Variants in MRPS28 observed in about 807,000 individuals in gnomAD.
The protein encoded by MRPS28 is mitochondrial ribosomal protein S28.
Under a neutral mutation model 10.8 loss-of-function variants are expected in MRPS28, and 7 were observed. The observed-to-expected ratio is 0.65, with a 90% CI of 0.37 to 1.22. The LOEUF (loss-of-function observed/expected upper bound fraction) is 1.22, where lower values mean the gene tolerates loss of function less well. Among genes scored for constraint, MRPS28 ranks in the 50% most tolerant of loss-of-function variants. MRPS28 has a pLI of 0.02. For synonymous variants in MRPS28, 121 were observed against 93.3 expected, an observed-to-expected ratio of 1.30 and a Z score of -1.71; for missense variants, 265 against 232.9, an observed-to-expected ratio of 1.14 and a Z score of -0.90.
At chr8:80,021,983 A>G (rs1586102890) in intron 1 of MRPS28, among the ~76,000 whole-genome samples, 1 of 152,186 alleles carries the variant, frequency 6.6e-6, no homozygotes. Context: ...CATCAATGCA[A>G]TTTTATTACA....
At position 79,920,927 on chromosome 8, in the gene MRPS28, A is replaced by C. The variant is rs1173867263; in HGVS notation, c.396-1779T>G. Among the ~76,000 whole-genome samples, 4 of 152,206 alleles carry C rather than the reference A, an allele frequency of 2.6e-5. No individual in the cohort carries two copies. In the East Asian group the frequency reaches 7.7e-4, roughly 29 times the overall value. On this transcript the variant is annotated intron_variant, in intron 2 of 2. Coordinates refer to ENST00000276585, the MANE Select transcript of MRPS28 (RefSeq NM_014018.3). ...TAGGGTTTTTATGGTTTTAGGTCTAACATTTAAGTCTTTAATCCATCTTGA... is the reference window on the plus strand; with the variant it reads ...TAGGGTTTTTATGGTTTTAGGTCTACCATTTAAGTCTTTAATCCATCTTGA...
At chr8:79,928,289 C>A (rs1282472567) in intron 2 of MRPS28, among the ~76,000 whole-genome samples, 1 of 152,046 alleles carries the variant, frequency 6.6e-6, no homozygotes, top group Non-Finnish European at 1.5e-5. Context: ...CATGATCACG[C>A]CACTGCTCTC....
chr8:79,954,723 T>C (rs1807161210), intron 2 of MRPS28, among the ~76,000 whole-genome samples: 1 of 152,232 alleles, frequency 6.6e-6, no homozygotes, highest in African/African-American at 2.4e-5. Flanking sequence ...GTGGGCTTTT[T>C]GTAAATCACA....
Position 79,919,074 on chromosome 8 carries a change from G to T in MRPS28, c.470C>A (p.Thr157Lys). 1 of 1,610,902 alleles carries T rather than the reference G, an allele frequency of 6.2e-7. No individual in the cohort carries two copies. The highest frequency in any genetic ancestry group is 8.5e-7 in the Non-Finnish European group (1 of 1,178,660). Residue 157 changes from threonine (T) to lysine (K), a missense_variant, in exon 3 of 3, where the codon ACA becomes AAA. Physicochemically the swap from Thr to Lys is moderately conservative, Grantham distance 78. Coordinates refer to ENST00000276585, the MANE Select transcript of MRPS28 (RefSeq NM_014018.3). ...LELTSRFLGATTDTTVLEANA... is the reference protein window; with the variant it reads ...LELTSRFLGAKTDTTVLEANA... ...AGCCTCTAGTACAGTTGTATCTGTT[G>T]TTGCTCCCAGGAACCTAGACGTAAG...
chr8:79,939,348 C>T (rs777692935), intron 2 of MRPS28, among the ~76,000 whole-genome samples: 1 of 152,070 alleles, frequency 6.6e-6, no homozygotes, highest in African/African-American at 2.4e-5. Flanking sequence ...CCTTTTCTGG[C>T]ATAGTAGTTT....
chr8:79,967,688 G>A (rs1308987531), intron 2 of MRPS28, among the ~76,000 whole-genome samples: 1 of 152,108 alleles, frequency 6.6e-6, no homozygotes, highest in Non-Finnish European at 1.5e-5. Context: ...GGACGGCATT[G>A]CCTGGGGCTT....
At chr8:80,029,163 G>T (rs1310061789) in intron 1 of MRPS28, among the ~76,000 whole-genome samples, 3 of 152,144 alleles carry the variant, frequency 2.0e-5, no homozygotes, top group Non-Finnish European at 4.4e-5. Context: ...CACTAAATTT[G>T]TAGTAATTTG....
Position 79,919,053 on chromosome 8 carries a change from T to C in MRPS28, c.491A>G (p.Glu164Gly). The change falls in exon 3 of 3, where the codon GAG becomes GGG. Residue 164 changes from glutamate (E) to glycine (G), a missense_variant. Physicochemically the swap from Glu to Gly is moderately conservative, Grantham distance 98 (BLOSUM62 -2). Transcript: ENST00000276585. ...LGATTDTTVL[E>G]ANAVLLGIQE... is the part of the protein sequence containing the mutation. ...GATTCCCAAGAGAACTGCATTAGCC[T>C]CTAGTACAGTTGTATCTGTTGTTGC... The C allele has an allele frequency of 6.2e-7, 1 of 1,610,784 alleles. No homozygotes were observed. Among genetic ancestry groups the C allele is most frequent in the Non-Finnish European group, 8.5e-7 (1 of 1,178,566 alleles).
At chr8:79,974,246 A>T (rs1028115259) in intron 2 of MRPS28, among the ~76,000 whole-genome samples, 1 of 152,158 alleles carries the variant, frequency 6.6e-6, no homozygotes, top group Non-Finnish European at 1.5e-5. Context: ...AAACATATAC[A>T]TATAAACAAA....
chr8:80,025,013 G>T (rs562844419), intron 1 of MRPS28, among the ~76,000 whole-genome samples: 10 of 152,290 alleles, frequency 6.6e-5, no homozygotes, highest in Admixed American at 3.9e-4. Context: ...AGGGTAAAAG[G>T]TAAAGAAATA....
chr8:79,940,698 T>C (rs1027032869), intron 2 of MRPS28, among the ~76,000 whole-genome samples: 1 of 152,158 alleles, frequency 6.6e-6, no homozygotes, highest in Non-Finnish European at 1.5e-5. Flanking sequence ...AAAGCCAACT[T>C]TTCCAAACAA....
chr8:79,974,125 T>C (rs992920041), intron 2 of MRPS28, among the ~76,000 whole-genome samples: 2 of 152,206 alleles, frequency 1.3e-5, no homozygotes, highest in Non-Finnish European at 2.9e-5. Context: ...TCTTCCAGAA[T>C]TGTCTTTAGC....
intron 2 of MRPS28, among the ~76,000 whole-genome samples, chr8:79,943,304 G>A (rs1806818402): frequency 6.6e-6 from 1 of 152,218 alleles, no homozygotes; most frequent in Admixed American, 6.5e-5. Flanking sequence ...ATAGCTACAA[G>A]AGCCGAAGAA....
chr8:79,961,167 G>A (rs1807363271), intron 2 of MRPS28, among the ~76,000 whole-genome samples: 1 of 152,060 alleles, frequency 6.6e-6, no homozygotes, highest in South Asian at 2.1e-4. Flanking sequence ...TAACCTAATT[G>A]AGCCCATATA....
At chr8:79,965,674 AC>A (rs1206347203) in intron 2 of MRPS28, among the ~76,000 whole-genome samples, 7 of 152,108 alleles carry the variant, frequency 4.6e-5, no homozygotes, top group Non-Finnish European at 8.8e-5. Flanking sequence ...ATTTTATCTT[AC>A]ATGTTAATTA....
intron 2 of MRPS28, among the ~76,000 whole-genome samples, chr8:79,923,304 T>G (rs576641536): frequency 2.0e-4 from 30 of 152,172 alleles, no homozygotes; most frequent in Non-Finnish European, 3.2e-4. Context: ...TGCTCCTCCT[T>G]AAGTTTTCAA....
At chr8:79,991,896 C>CCA (rs1808371889) in intron 2 of MRPS28, among the ~76,000 whole-genome samples, 1 of 150,224 alleles carries the variant, frequency 6.7e-6, no homozygotes, top group South Asian at 2.1e-4. Context: ...AAAGGCATCA[C>CCA]CACTTCCTCC....
rs56221607 is a variant in MRPS28, at chr8:79,979,071, A to G, written c.395+23928T>C. ...ACTTTCAAAATACAGCCAGCCTAAA[A>G]AGGTAAATAAAATTTTTTATTTTGA... On this transcript the variant is annotated intron_variant, in intron 2 of 2. Transcript: ENST00000276585. Among the ~76,000 whole-genome samples the G allele has an allele frequency of 9.9e-3, 1,511 of 152,350 alleles. 12 individuals are homozygous for G. The highest frequency in any genetic ancestry group is 0.014 in the African/African-American group (602 of 41,586).
intron 1 of MRPS28, among the ~76,000 whole-genome samples, chr8:80,017,975 C>A (rs574409494): frequency 2.0e-4 from 31 of 152,232 alleles, no homozygotes; most frequent in Admixed American, 1.1e-3. Context: ...TCAAACAACT[C>A]TATAGGAAAA....
Sources: allele counts gnomAD v4.1 joint callset (sites outside exome capture counted in the v4.1 genomes callset), GRCh38; gene constraint gnomAD v4.1.1; transcripts MANE v1.5; gene names NCBI Gene and HGNC (gene_info 2026-07-23, HGNC 2026-07-21).